MYOM3: variants seen among roughly 807,000 people sequenced by gnomAD.
MYOM3 encodes myomesin 3.
Under a neutral mutation model 191.7 loss-of-function variants are expected in MYOM3, and 155 were observed. The observed-to-expected ratio is 0.81, with a 90% CI of 0.71 to 0.92. MYOM3 has a LOEUF of 0.92. MYOM3 is among the 40% of genes least tolerant of loss of function. MYOM3 has a pLI of 0.00. For missense variants in MYOM3, 1,889 were observed against 1,890.6 expected (o/e 1.00, Z 0.02); for synonymous variants, 757 against 762.9 (o/e 0.99, Z 0.13).
At position 24,081,418 on chromosome 1, in the gene MYOM3, A is replaced by C; in HGVS notation, c.2319T>G (p.Arg773=). 6.2e-7 allele frequency: 1 copy of C among 1,614,180 alleles called. No individual in the cohort carries two copies. Among genetic ancestry groups the C allele is most frequent in the Non-Finnish European group, 8.5e-7 (1 of 1,180,024 alleles). Residue 773 remains arginine, a synonymous_variant, in exon 19 of 37, where the codon CGT becomes CGG. Transcript: ENST00000374434. ...DLHEGHFYEF[R]ARAANWAGVG... is the part of the protein sequence containing the mutation. ...CACCTGCCCAGTTGGCAGCCCGGGC[A>C]CGGAACTCATAGAAGTGGCCTTCAT...
At chr1:24,106,158 C>A (rs973541180) in intron 4 of MYOM3, 81 bp from the exon 5 acceptor site, 5 of 1,441,494 alleles carry the variant, frequency 3.5e-6, no homozygotes, top group African/African-American at 2.8e-5. Flanking sequence ...CCCACTGACA[C>A]CCAGACTCTG....
At chr1:24,066,989 T>A (rs143922887) in intron 28 of MYOM3, 32 bp downstream of exon 28, 18 of 1,548,248 alleles carry the variant, frequency 1.2e-5, no homozygotes, top group Non-Finnish European at 1.4e-5. Context: ...CCCCCTGCAC[T>A]GGGCCTGGGG....
chr1:24,065,893 C>T lies in MYOM3; in HGVS notation c.3532G>A (p.Glu1178Lys). ...ETGTGLLCIE[E>K]LSKKDKGIYR... ...CCTGAAGCTGGAGCCACACTTGCCTCTTCAATGCAGAGAAGTCCCGTTCCC... is the reference window on the plus strand; with the variant it reads ...CCTGAAGCTGGAGCCACACTTGCCTTTTCAATGCAGAGAAGTCCCGTTCCC... The change falls in exon 29 of 37, where the codon GAG becomes AAG. Residue 1178 changes from glutamate to lysine, a missense_variant and splice_region_variant. Transcript: ENST00000374434. The T allele has an allele frequency of 1.9e-6, 3 of 1,606,526 alleles. No individual in the cohort carries two copies. The highest frequency in any genetic ancestry group is 2.6e-6 in the Non-Finnish European group (3 of 1,173,096).
intron 24 of MYOM3, among the ~76,000 whole-genome samples, chr1:24,071,455 T>C (rs1643531257): frequency 2.6e-5 from 4 of 152,212 alleles, no homozygotes; most frequent in Admixed American, 2.6e-4. Flanking sequence ...AAGCGTTTCC[T>C]CTTCTAAGAG....
intron 18 of MYOM3, 68 bp downstream of exon 18, chr1:24,081,933 T>C: frequency 6.9e-7 from 1 of 1,452,780 alleles, no homozygotes. Flanking sequence ...ACTCCAAGAC[T>C]CAAGCAGTGC....
intron 20 of MYOM3, among the ~76,000 whole-genome samples, chr1:24,076,522 T>TC (rs1216629999): frequency 3.8e-5 from 2 of 52,654 alleles, no homozygotes; most frequent in East Asian, 6.1e-4. Flanking sequence ...TTTTTTTTTT[T>TC]TTTTTTTTTG....
intron 6 of MYOM3, 149 bp downstream of exon 6, chr1:24,099,531 C>G (rs1643896779): frequency 1.6e-6 from 1 of 632,114 alleles, no homozygotes; most frequent in South Asian, 1.9e-5. Flanking sequence ...TCTGTCCTGT[C>G]CCAGGAATCG....
intron 22 of MYOM3, 104 bp downstream of exon 22, chr1:24,075,215 C>G: frequency 8.5e-7 from 1 of 1,169,782 alleles, no homozygotes; most frequent in African/African-American, 1.5e-5. Context: ...TTTCAACCAT[C>G]ATGGATGGGT....
At position 24,095,529 on chromosome 1, in the gene MYOM3, C is replaced by T. The variant is rs781382615; in HGVS notation, c.746-43G>A. 12 of 1,575,966 alleles carry T rather than the reference C, an allele frequency of 7.6e-6. No homozygotes were observed. In the African/African-American group the frequency reaches 1.5e-4, roughly 20 times the overall value. On this transcript the variant is annotated intron_variant, in intron 7 of 36. Transcript: ENST00000374434. The stretch of plus-strand genomic sequence containing the variant: ...AACAGAGTTGGAGAAGGTTCAGAGC[C>T]CACATTCCTATGCTATTTTGGGGAC...
At chr1:24,104,226 T>C (rs1368127451) in intron 5 of MYOM3, among the ~76,000 whole-genome samples, 3 of 152,212 alleles carry the variant, frequency 2.0e-5, no homozygotes, top group Non-Finnish European at 2.9e-5. Context: ...TGTTTTCCTT[T>C]GTGTTTTCCA....
intron 27 of MYOM3, 66 bp from the exon 28 acceptor site, chr1:24,067,154 C>T: frequency 6.7e-7 from 1 of 1,484,434 alleles, no homozygotes; most frequent in Non-Finnish European, 9.2e-7. Flanking sequence ...CCACCTGTGT[C>T]CAGGCAGTGC....
At chr1:24,108,396 G>A in intron 2 of MYOM3, 80 bp downstream of exon 2, 1 of 1,390,152 alleles carries the variant, frequency 7.2e-7, no homozygotes, top group Non-Finnish European at 9.5e-7. Context: ...AGCCTCCAGA[G>A]GGCTAGGCTG....
intron 20 of MYOM3, among the ~76,000 whole-genome samples, chr1:24,078,040 C>T (rs553762510): frequency 6.6e-6 from 1 of 151,988 alleles, no homozygotes; most frequent in Non-Finnish European, 1.5e-5. Flanking sequence ...AAGCACAACA[C>T]GAAATGAAGG....
intron 24 of MYOM3, 108 bp from the exon 25 acceptor site, chr1:24,071,361 T>C: frequency 7.6e-7 from 1 of 1,317,574 alleles, no homozygotes; most frequent in Non-Finnish European, 1.0e-6. Flanking sequence ...GCAAAACCTT[T>C]AGAGAACCTG....
At chr1:24,072,880 G>A (rs1333731804) in intron 23 of MYOM3, among the ~76,000 whole-genome samples, 1 of 152,212 alleles carries the variant, frequency 6.6e-6, no homozygotes, top group East Asian at 1.9e-4. Flanking sequence ...GGCGAGCTCT[G>A]AATCTACGTG....
At chr1:24,091,401 A>T (rs780186636) in intron 11 of MYOM3, among the ~76,000 whole-genome samples, 1 of 152,094 alleles carries the variant, frequency 6.6e-6, no homozygotes, top group Non-Finnish European at 1.5e-5. Context: ...CCCCTCCCTA[A>T]GTTGGCATGC....
In MYOM3 at chr1:24,092,281, G is replaced by A. The variant is rs771552707; in HGVS notation, c.1125C>T (p.Ser375=). 1 of 1,370,724 alleles carries A rather than the reference G, an allele frequency of 7.3e-7. No homozygotes were observed. Among genetic ancestry groups the A allele is most frequent in the South Asian group, 2.0e-5 (1 of 49,788 alleles). 84.9% of individuals were successfully genotyped at this position (1,370,724 alleles called of 1,614,324 possible). Residue 375 remains serine (S), a synonymous_variant, in exon 11 of 37, where the codon TCC becomes TCT. Coordinates refer to ENST00000374434, the MANE Select transcript of MYOM3 (RefSeq NM_152372.4). ...AEAENPGAPG[S]PLNVRCLDVN... ...CATCCAGGCATCGGACGTTCAGTGG[G>A]GAGCCTGGGGCCCCGGGGTTCTCGG... is the stretch of plus-strand genomic sequence containing the variant.
At chr1:24,103,932 C>T (rs1643960427) in intron 5 of MYOM3, among the ~76,000 whole-genome samples, 1 of 151,872 alleles carries the variant, frequency 6.6e-6, no homozygotes, top group Non-Finnish European at 1.5e-5. Context: ...TCCTTTTCAA[C>T]CCCTCCATCT....
At chr1:24,095,110 G>C in intron 8 of MYOM3, 120 bp from the exon 9 acceptor site, 16 of 1,106,384 alleles carry the variant, frequency 1.4e-5, no homozygotes, top group Non-Finnish European at 1.9e-5. Flanking sequence ...AGGAGAAGGG[G>C]ACCTGGCCTT....
Sources: gnomAD v4.1 joint callset for allele counts (sites outside exome capture counted in the v4.1 genomes callset) on GRCh38, gnomAD v4.1.1 for gene constraint, MANE v1.5 for transcripts, NCBI Gene and HGNC (gene_info 2026-07-23, HGNC 2026-07-21) for gene names.